Variants in CSMD1 observed in about 807,000 individuals in gnomAD.
The protein encoded by CSMD1 is CUB and Sushi multiple domains 1.
CSMD1 carries 213 observed loss-of-function variants against 417.5 expected under a neutral mutation model. The ratio of observed to expected loss-of-function variants is 0.51; its 90% CI spans 0.46 to 0.57. The LOEUF (loss-of-function observed/expected upper bound fraction) is 0.57. Ranked by LOEUF, CSMD1 falls within the 20% of genes least tolerant of loss-of-function variation. CSMD1 has a pLI of 0.00. For missense variants in CSMD1, 6,923 were observed against 4,529.7 expected, an observed-to-expected ratio of 1.53 and a Z score of -15.17; for synonymous variants, 2,862 against 1,736.8, an observed-to-expected ratio of 1.65 and a Z score of -16.11.
At chr8:3,940,622 A>G (rs139450178) in intron 5 of CSMD1, among the ~76,000 whole-genome samples, 1 of 151,810 alleles carries the variant, frequency 6.6e-6, no homozygotes, top group Non-Finnish European at 1.5e-5. Context: ...AACACTGCCA[A>G]TCAATATGTA....
rs775708101 is a variant in CSMD1, at chr8:4,234,264, A to C, written c.415+185689T>G. On this transcript the variant is annotated intron_variant, in intron 3 of 69. Transcript: ENST00000635120. ...TAAAGCAGGAGGTTGTGAATGAACA[A>C]GACTTACACGAAGTGATCTATGGGA... Among the ~76,000 whole-genome samples the C allele has an allele frequency of 3.3e-5, 5 of 152,182 alleles. No individual in the cohort carries two copies. The South Asian group carries it at 8.3e-4, about 25-fold the overall frequency.
chr8:4,103,990 G>C (rs995632867), intron 3 of CSMD1, among the ~76,000 whole-genome samples: 2 of 152,172 alleles, frequency 1.3e-5, no homozygotes, highest in African/African-American at 4.8e-5. Flanking sequence ...TGTTCTAAGA[G>C]TGCCCCAGCT....
At position 3,795,398 on chromosome 8, in the gene CSMD1, CTATCATAGATATAGATATA is replaced by C. The variant is rs1800018146; in HGVS notation, c.819-41375_819-41357del. On this transcript the variant is annotated intron_variant, in intron 5 of 69. Coordinates refer to ENST00000635120, the MANE Select transcript of CSMD1 (RefSeq NM_033225.6). ...ATATATCATGTATAGATATAGATAT[CTATCATAGATATAGATATA>C]TATCTATCATAGATATAGATATATA... Among the ~76,000 whole-genome samples, 8 of 28,664 alleles carry C rather than the reference CTATCATAGATATAGATATA, an allele frequency of 2.8e-4. 2 individuals are homozygous for C. Among genetic ancestry groups the C allele is most frequent in the Admixed American group, 8.4e-4 (2 of 2,368 alleles). 18.8% of individuals were successfully genotyped at this position (28,664 alleles called of 152,430 possible). A position where few individuals can be genotyped will look rare whatever the true frequency, so the allele number is the denominator to read the frequency against.
At chr8:3,749,425 A>C (rs1192640753) in intron 6 of CSMD1, among the ~76,000 whole-genome samples, 1 of 152,212 alleles carries the variant, frequency 6.6e-6, no homozygotes, top group Non-Finnish European at 1.5e-5. Context: ...CAACCTTACT[A>C]CTGCTTCTGA....
At chr8:4,048,060 C>A (rs1469838787) in intron 3 of CSMD1, among the ~76,000 whole-genome samples, 1 of 152,108 alleles carries the variant, frequency 6.6e-6, no homozygotes, top group Non-Finnish European at 1.5e-5. Flanking sequence ...TCATTCTTTT[C>A]CAAATATTTT....
intron 3 of CSMD1, among the ~76,000 whole-genome samples, chr8:4,402,623 A>T (rs1392098612): frequency 6.6e-6 from 1 of 151,984 alleles, no homozygotes. Flanking sequence ...CCATTCTTTA[A>T]TCTTGCAAGA....
intron 2 of CSMD1, among the ~76,000 whole-genome samples, chr8:4,583,897 C>A (rs1440999567): frequency 6.6e-6 from 1 of 152,096 alleles, no homozygotes; most frequent in Non-Finnish European, 1.5e-5. Context: ...TGCTGCTGCT[C>A]ACTCTTTGGG....
chr8:3,601,220 C>A (rs1468255052), intron 8 of CSMD1, among the ~76,000 whole-genome samples: 1 of 152,118 alleles, frequency 6.6e-6, no homozygotes, highest in Non-Finnish European at 1.5e-5. Flanking sequence ...GGCCTCACAT[C>A]TTTATTATTT....
chr8:3,956,235 G>C (rs896594624), intron 5 of CSMD1, among the ~76,000 whole-genome samples: 1 of 151,910 alleles, frequency 6.6e-6, no homozygotes, highest in Non-Finnish European at 1.5e-5. Flanking sequence ...AGGTGGTGTT[G>C]TTAACTTTTT....
At chr8:3,389,106 T>C (rs1481553276) in intron 17 of CSMD1, among the ~76,000 whole-genome samples, 2 of 152,192 alleles carry the variant, frequency 1.3e-5, no homozygotes, top group Non-Finnish European at 2.9e-5. Context: ...TGATTTTTTG[T>C]TGTTGTTGTT....
At chr8:4,576,934 T>C (rs141175342) in intron 2 of CSMD1, among the ~76,000 whole-genome samples, 1,870 of 152,354 alleles carry the variant, frequency 0.012, 24 homozygotes, top group Non-Finnish European at 0.015. Context: ...GATTTACTTA[T>C]GTAGAAATCC....
chr8:3,814,761 A>G (rs1046876402), intron 5 of CSMD1, among the ~76,000 whole-genome samples: 2 of 152,186 alleles, frequency 1.3e-5, no homozygotes, highest in East Asian at 3.9e-4. Flanking sequence ...TGCATTTCCA[A>G]TGGACTATTC....
At chr8:4,179,938 G>A (rs1396139743) in intron 3 of CSMD1, among the ~76,000 whole-genome samples, 1 of 152,138 alleles carries the variant, frequency 6.6e-6, no homozygotes, top group East Asian at 1.9e-4. Context: ...AAAGGTGCTG[G>A]AGAGGATGTG....
chr8:3,787,267 G>A (rs909321578), intron 5 of CSMD1, among the ~76,000 whole-genome samples: 1 of 152,164 alleles, frequency 6.6e-6, no homozygotes, highest in Non-Finnish European at 1.5e-5. Flanking sequence ...CTTGTGAGTT[G>A]TGAAAAACCA....
Position 3,205,534 on chromosome 8 carries a change from G to C in CSMD1, c.4954C>G (p.Leu1652Val). 3 of 1,592,460 alleles carry C rather than the reference G, an allele frequency of 1.9e-6. No individual in the cohort carries two copies. Among genetic ancestry groups the C allele is most frequent in the East Asian group, 2.2e-5 (1 of 44,590 alleles). The change falls in exon 31 of 70, where the codon CTC becomes GTC. Residue 1652 changes from leucine (L) to valine (V), a missense_variant. Leu to Val is a conservative substitution (Grantham distance 32). Coordinates refer to ENST00000635120, the MANE Select transcript of CSMD1 (RefSeq NM_033225.6). ...PHNYTAGQIC[L>V]YSITVPKEFV... ...TCCTTTGGTACCGTGATGGAATAGA[G>C]GCATATTTGACCAGCTGTGTAATTA...
chr8:3,150,639 A>G (rs1198940847), intron 40 of CSMD1, among the ~76,000 whole-genome samples: 1 of 152,170 alleles, frequency 6.6e-6, no homozygotes, highest in African/African-American at 2.4e-5. Flanking sequence ...ATACCCAGCT[A>G]CTCTGCCCGA....
chr8:3,012,335 G>C (rs1183308634), intron 52 of CSMD1, among the ~76,000 whole-genome samples: 1 of 152,094 alleles, frequency 6.6e-6, no homozygotes, highest in African/African-American at 2.4e-5. Context: ...TCCTATAGTT[G>C]ACATTCTCAA....
At chr8:4,410,874 A>G (rs902330858) in intron 3 of CSMD1, among the ~76,000 whole-genome samples, 5 of 152,190 alleles carry the variant, frequency 3.3e-5, no homozygotes, top group African/African-American at 1.2e-4. Context: ...GTTTGGAAGG[A>G]GGAGGGCTTA....
At chr8:4,738,792 A>G (rs1412272341) in intron 1 of CSMD1, among the ~76,000 whole-genome samples, 1 of 152,178 alleles carries the variant, frequency 6.6e-6, no homozygotes, top group African/African-American at 2.4e-5. Context: ...TAAACAAATA[A>G]GATGGATGCC....
Sources: allele counts gnomAD v4.1 joint callset (sites outside exome capture counted in the v4.1 genomes callset), GRCh38; gene constraint gnomAD v4.1.1; transcripts MANE v1.5; gene names NCBI Gene and HGNC (gene_info 2026-07-23, HGNC 2026-07-21).